Variants in GRIN2A observed in about 807,000 individuals in gnomAD.
GRIN2A encodes glutamate ionotropic receptor NMDA type subunit 2A.
In GRIN2A, 22 loss-of-function variants were observed where a neutral mutation model predicts 113.4. The ratio of observed to expected loss-of-function variants is 0.19; its 90% confidence interval spans 0.14 to 0.28. The LOEUF (loss-of-function observed/expected upper bound fraction) is 0.28, where lower values mean the gene tolerates loss of function less well. Ranked by LOEUF, GRIN2A falls within the 10% of genes least tolerant of loss-of-function variation. The pLI, the probability that GRIN2A is intolerant of heterozygous loss-of-function variation, is 1.00. For missense variants in GRIN2A, 1,502 were observed against 1,887.0 expected (o/e 0.80, Z 3.78); for synonymous variants, 827 against 738.4 (o/e 1.12, Z -1.94).
In GRIN2A at chr16:9,756,552, C is replaced by T. The variant is rs115306961; in HGVS notation, c.*6597G>A. 1,240 of 207,888 alleles carry T rather than the reference C, an allele frequency of 6.0e-3. 16 individuals carry two copies. The highest frequency in any genetic ancestry group is 0.026 in the African/African-American group (1,167 of 44,042). The allele number at this position is 207,888 out of a possible 1,614,324, so 12.9% of individuals were successfully genotyped here. A position where few individuals can be genotyped will look rare whatever the true frequency, so the allele number is the denominator to read the frequency against. ...CCAGGCACTTTGAAAATATGTCTAA[C>T]GTTAGGGATTTACTAGCTAATTCTA... On this transcript the variant is annotated 3_prime_UTR_variant, in exon 13 of 13. Coordinates refer to ENST00000330684, the MANE Select transcript of GRIN2A (RefSeq NM_001134407.3).
chr16:9,862,080 G>A (rs766102210), intron 4 of GRIN2A, among the ~76,000 whole-genome samples: 5 of 152,140 alleles, frequency 3.3e-5, no homozygotes, highest in East Asian at 1.9e-4. Flanking sequence ...ATTCTGCTCC[G>A]TGTGGTCTAA....
rs556162390 is a variant in GRIN2A at position 9,845,126 on chromosome 16, C to T, written c.1329-4022G>A. ...GCTCTCACGAGTCAGACTTTCATTT[C>T]ATCCAGACACAGTAAACTCCTCATA... On this transcript the variant is annotated intron_variant, in intron 5 of 12. Coordinates refer to ENST00000330684, the MANE Select transcript of GRIN2A (RefSeq NM_001134407.3). Among the ~76,000 whole-genome samples, 4 of 152,232 alleles carry T rather than the reference C, an allele frequency of 2.6e-5. No individual in the cohort carries two copies. In the South Asian group the frequency reaches 8.3e-4, roughly 32 times the overall value.
At chr16:10,166,909 G>A (rs764502823) in intron 2 of GRIN2A, among the ~76,000 whole-genome samples, 3 of 152,000 alleles carry the variant, frequency 2.0e-5, no homozygotes, top group African/African-American at 4.8e-5. Context: ...TCTTCCTTAC[G>A]ATTTTCCTTA....
At chr16:10,094,883 CAAAAAAAA>C (rs58041208) in intron 2 of GRIN2A, among the ~76,000 whole-genome samples, 26 of 117,442 alleles carry the variant, frequency 2.2e-4, no homozygotes, top group East Asian at 1.8e-3. Flanking sequence ...GAATGTGCAC[CAAAAAAAA>C]AAAAAAAAAA....
intron 2 of GRIN2A, among the ~76,000 whole-genome samples, chr16:10,010,061 A>T (rs79270282): frequency 0.19 from 28,620 of 152,246 alleles, 2,988 homozygotes; most frequent in East Asian, 0.35. Flanking sequence ...AGAAACAAGC[A>T]CGACTGTGAA....
intron 9 of GRIN2A, among the ~76,000 whole-genome samples, chr16:9,826,969 A>T (rs559525731): frequency 6.6e-6 from 1 of 152,268 alleles, no homozygotes; most frequent in African/African-American, 2.4e-5. Flanking sequence ...CCTCTCTTCC[A>T]GGACATTGCT....
rs774419037 is a variant in GRIN2A at position 9,763,592 on chromosome 16, G to C, written c.3952C>G (p.Arg1318Gly). ...CCGTAAAAATTTCCCTCCAGAAGCCGTTCCCTGTCCTTGAGGCTTATGCTC... is the reference window on the plus strand; with the variant it reads ...CCGTAAAAATTTCCCTCCAGAAGCCCTTCCCTGTCCTTGAGGCTTATGCTC... ...SRSISLKDRE[R>G]LLEGNFYGSL... Residue 1318 changes from arginine (R) to glycine (G), a missense_variant, in exon 13 of 13, where the codon CGG becomes GGG. By Grantham distance (125) the Arg-to-Gly change is moderately radical (BLOSUM62 -2). Around this residue, in one of 7 missense-constraint regions of GRIN2A, gnomAD observed 832 missense variants for 789.7 expected, o/e 1.05. Coordinates refer to ENST00000330684, the MANE Select transcript of GRIN2A (RefSeq NM_001134407.3). 7 of 1,613,412 alleles carry C rather than the reference G, an allele frequency of 4.3e-6. No homozygotes were observed. The highest frequency in any genetic ancestry group is 5.9e-6 in the Non-Finnish European group (7 of 1,179,950).
At chr16:9,924,983 T>A (rs1362583214) in intron 3 of GRIN2A, among the ~76,000 whole-genome samples, 4 of 152,246 alleles carry the variant, frequency 2.6e-5, no homozygotes, top group African/African-American at 9.6e-5. Context: ...CATTTAAATC[T>A]GGGTAAGTTG....
At chr16:9,939,174 A>G (rs547666632) in intron 2 of GRIN2A, among the ~76,000 whole-genome samples, 2 of 152,282 alleles carry the variant, frequency 1.3e-5, no homozygotes, top group East Asian at 3.9e-4. Flanking sequence ...AAGTGTTCTT[A>G]ATAAGAATTA....
At chr16:9,943,400 A>C (rs2044937684) in intron 2 of GRIN2A, 1 of 152,296 alleles carries the variant, frequency 6.6e-6, no homozygotes, top group South Asian at 2.1e-4. Flanking sequence ...TACCATCATA[A>C]CTGAGGACTC....
At chr16:9,990,957 C>T (rs895431267) in intron 2 of GRIN2A, among the ~76,000 whole-genome samples, 11 of 152,076 alleles carry the variant, frequency 7.2e-5, no homozygotes, top group African/African-American at 2.4e-4. Context: ...ATCCCAGCTA[C>T]TCAGGAGGCT....
intron 10 of GRIN2A, among the ~76,000 whole-genome samples, chr16:9,799,623 G>A (rs1209034217): frequency 2.0e-5 from 3 of 152,330 alleles, no homozygotes; most frequent in South Asian, 2.1e-4. Flanking sequence ...GAAAACAGAT[G>A]GGTCCACGGG....
rs1182239950 is a variant in GRIN2A at position 9,980,905 on chromosome 16, G to A, written c.415-42354C>T. On this transcript the variant is annotated intron_variant, in intron 2 of 12. Coordinates refer to ENST00000330684, the MANE Select transcript of GRIN2A (RefSeq NM_001134407.3). ...CTAATGCTAAATGATGAGTTAATGG[G>A]TGCAGCACACCAACATGGCACATGT... Among the ~76,000 whole-genome samples the A allele has an allele frequency of 5.3e-5, 8 of 151,302 alleles. No homozygotes were observed. In the East Asian group the frequency reaches 1.6e-3, roughly 30 times the overall value.
chr16:9,995,751 C>T (rs1398990431), intron 2 of GRIN2A, among the ~76,000 whole-genome samples: 1 of 152,032 alleles, frequency 6.6e-6, no homozygotes, highest in Non-Finnish European at 1.5e-5. Context: ...TGAGTGGGTC[C>T]CCCTATATCC....
intron 2 of GRIN2A, among the ~76,000 whole-genome samples, chr16:10,078,612 G>A (rs886246710): frequency 1.1e-4 from 17 of 152,304 alleles, no homozygotes; most frequent in African/African-American, 3.6e-4. Context: ...TCCCCATGGA[G>A]AATGCAGCTG....
chr16:9,784,016 G>C (rs1451053281), intron 11 of GRIN2A, among the ~76,000 whole-genome samples: 1 of 152,102 alleles, frequency 6.6e-6, no homozygotes, highest in African/African-American at 2.4e-5. Flanking sequence ...AACAAATAAT[G>C]GGTACTGGGC....
intron 2 of GRIN2A, among the ~76,000 whole-genome samples, chr16:10,025,741 T>A (rs2046807544): frequency 6.6e-6 from 1 of 152,116 alleles, no homozygotes; most frequent in Admixed American, 6.5e-5. Context: ...ATGTGAGCCA[T>A]CCCCTGCCTC....
At chr16:10,158,967 T>C (rs1205978874) in intron 2 of GRIN2A, among the ~76,000 whole-genome samples, 1 of 152,204 alleles carries the variant, frequency 6.6e-6, no homozygotes, top group African/African-American at 2.4e-5. Context: ...GGCCAAAATG[T>C]TGTGAAGGTG....
At chr16:9,891,772 C>T (rs1299296950) in intron 3 of GRIN2A, among the ~76,000 whole-genome samples, 16 of 152,100 alleles carry the variant, frequency 1.1e-4, no homozygotes, top group Non-Finnish European at 2.2e-4. Flanking sequence ...GCAAAAGAGG[C>T]AACATGTGCA....
Sources: gnomAD v4.1 joint callset for allele counts (sites outside exome capture counted in the v4.1 genomes callset) on GRCh38, gnomAD v4.1.1 for gene constraint, gnomAD v4.1.1 regional missense constraint, MANE v1.5 for transcripts, NCBI Gene and HGNC (gene_info 2026-07-23, HGNC 2026-07-21) for gene names.